Variants in DOCK2 observed in about 807,000 individuals in gnomAD.
DOCK2 encodes dedicator of cytokinesis protein 2.
In DOCK2, 87 loss-of-function variants were observed where a neutral mutation model predicts 248.9. That is an observed-to-expected ratio of 0.35 (90% CI 0.29 to 0.42). The LOEUF (loss-of-function observed/expected upper bound fraction) is 0.42, where lower values mean the gene tolerates loss of function less well. Ranked by LOEUF, DOCK2 falls within the 10% of genes least tolerant of loss-of-function variation. DOCK2 has a pLI of 1.00. For missense variants in DOCK2, 1,747 were observed against 2,300.2 expected (o/e 0.76, Z 4.92); for synonymous variants, 805 against 821.6 (o/e 0.98, Z 0.35).
rs1332394659 is a variant in DOCK2, at chr5:169,764,640, A to G, written c.2554+3015A>G. On this transcript the variant is annotated intron_variant, in intron 25 of 51. Coordinates refer to ENST00000520908, the MANE Select transcript of DOCK2 (RefSeq NM_004946.3). This position sits in a 1 kb window ranked among gnomAD's most constrained non-coding sequence, Gnocchi z 4.3. ...TGTTTCATACTAAACAGCAATTGTTATTATTGGTGTTGTGGTTGTTTTTCC... is the reference window on the plus strand; with the variant it reads ...TGTTTCATACTAAACAGCAATTGTTGTTATTGGTGTTGTGGTTGTTTTTCC... Among the ~76,000 whole-genome samples the G allele has an allele frequency of 6.6e-6, 1 of 152,202 alleles. No individual in the cohort carries two copies. Among genetic ancestry groups the G allele is most frequent in the East Asian group, 1.9e-4 (1 of 5,198 alleles).
At chr5:169,785,333 A>G (rs1765928210) in intron 25 of DOCK2, among the ~76,000 whole-genome samples, 1 of 152,224 alleles carries the variant, frequency 6.6e-6, no homozygotes, top group South Asian at 2.1e-4. Flanking sequence ...ATCCTTCCTA[A>G]GAAGTTCTCT....
At chr5:169,943,652 G>A (rs1313871029) in intron 27 of DOCK2, among the ~76,000 whole-genome samples, 16 of 152,152 alleles carry the variant, frequency 1.1e-4, no homozygotes, top group Admixed American at 1.0e-3. Context: ...ATTAGAGTTT[G>A]CAGATCTGGG....
intron 46 of DOCK2, among the ~76,000 whole-genome samples, chr5:170,070,679 A>T (rs1233818937): frequency 2.0e-5 from 3 of 152,212 alleles, no homozygotes; most frequent in Non-Finnish European, 2.9e-5. Context: ...AGGGAAGGCT[A>T]ACATGTCATA....
chr5:169,857,786 A>G (rs965997261), intron 27 of DOCK2, among the ~76,000 whole-genome samples: 22 of 151,956 alleles, frequency 1.4e-4, no homozygotes, highest in African/African-American at 5.1e-4. Context: ...CAAAACCACA[A>G]TAATAGATCA....
intron 26 of DOCK2, among the ~76,000 whole-genome samples, chr5:169,808,357 C>A (rs1467838452): frequency 6.6e-6 from 1 of 152,098 alleles, no homozygotes; most frequent in Admixed American, 6.6e-5. Context: ...AATAGATTGT[C>A]ATTGTTTGGG....
rs1367613279 is a variant in DOCK2, at chr5:169,947,427, C to A, written c.2800-35641C>A. Among the ~76,000 whole-genome samples the A allele has an allele frequency of 2.6e-5, 4 of 152,310 alleles. No homozygotes were observed. In the East Asian group the frequency reaches 7.7e-4, roughly 29 times the overall value. ...TTCTCATCCATTATTCTGATCCCAA[C>A]CCTCCAAGGTAGACTTCATTAGCCC... On this transcript the variant is annotated intron_variant, in intron 27 of 51. Transcript: ENST00000520908.
intron 26 of DOCK2, among the ~76,000 whole-genome samples, chr5:169,818,008 T>C (rs1768177085): frequency 6.6e-6 from 1 of 152,182 alleles, no homozygotes; most frequent in African/African-American, 2.4e-5. Flanking sequence ...GGTACCAACT[T>C]TGAGTACTGC....
At chr5:170,029,784 G>A (rs6894522) in intron 34 of DOCK2, among the ~76,000 whole-genome samples, 63,787 of 152,022 alleles carry the variant, frequency 0.42, 14,140 homozygotes, top group East Asian at 0.58. Context: ...CTTTTTGAAT[G>A]TTTTAAATTC....
In DOCK2 at chr5:170,010,780, G is replaced by A. The variant is rs111740260; in HGVS notation, c.3232+2034G>A. On this transcript the variant is annotated intron_variant, in intron 32 of 51. Transcript: ENST00000520908. ...GCAGAGGCTGGAGAAAGCTGTGGCGGGCTTCCTTCCCCAGCTCGACACCCC... is the reference window on the plus strand; with the variant it reads ...GCAGAGGCTGGAGAAAGCTGTGGCGAGCTTCCTTCCCCAGCTCGACACCCC... Among the ~76,000 whole-genome samples the A allele has an allele frequency of 9.3e-4, 141 of 152,342 alleles. 1 individual carries two copies. Among genetic ancestry groups the A allele is most frequent in the African/African-American group, 3.2e-3 (132 of 41,586 alleles).
At chr5:169,642,262 G>A (rs950869695) in intron 1 of DOCK2, among the ~76,000 whole-genome samples, 39 of 152,202 alleles carry the variant, frequency 2.6e-4, no homozygotes, top group African/African-American at 7.2e-4. Context: ...TATTTGTTGG[G>A]TGTGTGTGCC....
rs899902836 is a variant in DOCK2 at position 170,030,398 on chromosome 5, T to C, written c.3467+2450T>C. On this transcript the variant is annotated intron_variant, in intron 34 of 51. Transcript: ENST00000520908. The stretch of plus-strand genomic sequence containing the variant: ...TGCTCCATCCTTTCACCTCTCTGAG[T>C]CTCAGTTTTCTTATCTGAAAATTGG... Among the ~76,000 whole-genome samples the C allele has an allele frequency of 2.6e-5, 4 of 152,306 alleles. No individual in the cohort carries two copies. In the East Asian group the frequency reaches 5.8e-4, roughly 22 times the overall value.
intron 22 of DOCK2, among the ~76,000 whole-genome samples, chr5:169,731,562 C>T (rs780795864): frequency 1.2e-4 from 19 of 152,160 alleles, no homozygotes; most frequent in Non-Finnish European, 2.1e-4. Flanking sequence ...ATCAGCAACA[C>T]GAAAACGGAC....
intron 14 of DOCK2, chr5:169,702,701 T>TATGTATGTATGTATG (rs1561616330): frequency 4.7e-5 from 5 of 105,630 alleles, no homozygotes; most frequent in African/African-American, 2.5e-4. Flanking sequence ...ATGTATGTAT[T>TATGTATGTATGTATG]TATTTATTTA....
At chr5:169,703,069 GT>G (rs1157434311) in intron 14 of DOCK2, among the ~76,000 whole-genome samples, 5 of 152,166 alleles carry the variant, frequency 3.3e-5, no homozygotes, top group African/African-American at 1.2e-4. Flanking sequence ...CTTTAAGGTT[GT>G]CAGTGCTGTG....
At chr5:169,866,151 A>T (rs1462685889) in intron 27 of DOCK2, among the ~76,000 whole-genome samples, 2 of 151,996 alleles carry the variant, frequency 1.3e-5, no homozygotes, top group African/African-American at 4.8e-5. Flanking sequence ...AGGGAGCACT[A>T]GGAAAGGGTA....
rs1755630903 is a variant in DOCK2, at chr5:170,019,028, G to A, written c.3301G>A (p.Ala1101Thr). ...ATTAGAGATGACACTTATCCCTGAG[G>A]CTGAGCTCCGGAAAGCCACCATACC... ...PILEMTLIPEAELRKATIPIF... is the reference protein window; with the variant it reads ...PILEMTLIPETELRKATIPIF... The change falls in exon 33 of 52, where the codon GCT becomes ACT. Residue 1101 changes from alanine (A) to threonine (T), a missense_variant. Ala to Thr is a moderately conservative substitution (Grantham distance 58). This residue lies in a region of DOCK2 where 858 missense variants were observed against 1,183.5 expected (regional missense o/e 0.72). Transcript: ENST00000520908. The A allele has an allele frequency of 6.2e-7, 1 of 1,614,078 alleles. No homozygotes were observed. The highest frequency in any genetic ancestry group is 8.5e-7 in the Non-Finnish European group (1 of 1,179,970).
At chr5:169,818,588 C>G (rs1023281768) in intron 26 of DOCK2, among the ~76,000 whole-genome samples, 1 of 152,130 alleles carries the variant, frequency 6.6e-6, no homozygotes, top group South Asian at 2.1e-4. Flanking sequence ...TTCCTTACTG[C>G]CTTAATCCCT....
At chr5:169,951,995 A>C (rs1776684475) in intron 27 of DOCK2, among the ~76,000 whole-genome samples, 1 of 152,162 alleles carries the variant, frequency 6.6e-6, no homozygotes, top group African/African-American at 2.4e-5. Flanking sequence ...TACAAATGAC[A>C]TTGTTGGTGC....
chr5:170,010,585 T>A (rs1204559245), intron 32 of DOCK2, among the ~76,000 whole-genome samples: 1 of 152,260 alleles, frequency 6.6e-6, no homozygotes, highest in Non-Finnish European at 1.5e-5. Flanking sequence ...AACGTTGTCA[T>A]ACCTTTCAGT....
Sources: gnomAD v4.1 joint callset for allele counts (sites outside exome capture counted in the v4.1 genomes callset) on GRCh38, gnomAD v4.1.1 for gene constraint, gnomAD v4.1.1 regional missense constraint, Gnocchi (gnomAD v3.1) non-coding constraint, MANE v1.5 for transcripts, NCBI Gene and HGNC (gene_info 2026-07-23, HGNC 2026-07-21) for gene names.